WDR70: variants seen among roughly 807,000 people sequenced by gnomAD.
WDR70 encodes WD repeat-containing protein 70.
In WDR70, 53 loss-of-function variants were observed where a neutral mutation model predicts 88.6. The ratio of observed to expected loss-of-function variants is 0.60; its 90% CI spans 0.48 to 0.75. The LOEUF is 0.75. Ranked by LOEUF, WDR70 falls within the 30% of genes least tolerant of loss-of-function variation. The probability of loss-of-function intolerance (pLI) is 0.00; values close to 1 mark genes in which losing one functional copy is unlikely to be tolerated. For synonymous variants in WDR70, 280 were observed against 270.0 expected (o/e 1.04, Z -0.36); for missense variants, 610 against 823.2 (o/e 0.74, Z 3.17).
chr5:37,562,733 C>T (rs1219635601), intron 9 of WDR70, among the ~76,000 whole-genome samples: 1 of 141,354 alleles, frequency 7.1e-6, no homozygotes, highest in Non-Finnish European at 1.6e-5. Context: ...GAGTGGACAC[C>T]GCACATGTTT....
At chr5:37,430,915 G>A (rs986221333) in intron 5 of WDR70, among the ~76,000 whole-genome samples, 17 of 151,896 alleles carry the variant, frequency 1.1e-4, no homozygotes, top group Admixed American at 7.9e-4. Context: ...GTGCAGTGGC[G>A]CAATCTTGGC....
intron 10 of WDR70, among the ~76,000 whole-genome samples, chr5:37,635,209 A>T (rs967257743): frequency 1.3e-5 from 2 of 152,110 alleles, no homozygotes; most frequent in Non-Finnish European, 2.9e-5. Flanking sequence ...TTCCTTCTGG[A>T]TGCATATCCT....
At chr5:37,624,879 C>G (rs73063791) in intron 10 of WDR70, among the ~76,000 whole-genome samples, 1 of 152,152 alleles carries the variant, frequency 6.6e-6, no homozygotes, top group Non-Finnish European at 1.5e-5. Flanking sequence ...TGGGACAAGA[C>G]CCTCTCTAGA....
intron 13 of WDR70, among the ~76,000 whole-genome samples, chr5:37,714,383 G>C (rs888203978): frequency 6.6e-6 from 1 of 152,162 alleles, no homozygotes; most frequent in Non-Finnish European, 1.5e-5. Context: ...AGAAAAACCA[G>C]GTGGAGTTGG....
chr5:37,487,976 G>A (rs1739943386), intron 8 of WDR70, among the ~76,000 whole-genome samples: 1 of 151,696 alleles, frequency 6.6e-6, no homozygotes, highest in Non-Finnish European at 1.5e-5. Context: ...AACATTTCTT[G>A]TAGGCCTGGC....
rs530580231 is a variant in WDR70 at position 37,610,215 on chromosome 5, G to A, written c.1092+4977G>A. Among the ~76,000 whole-genome samples, 4 of 148,502 alleles carry A rather than the reference G, an allele frequency of 2.7e-5. No individual in the cohort carries two copies. The East Asian group carries it at 7.9e-4, about 29-fold the overall frequency. On this transcript the variant is annotated intron_variant, in intron 10 of 17. Coordinates refer to ENST00000265107, the MANE Select transcript of WDR70 (RefSeq NM_018034.4). ...TGGGAGGCGGAGGTTGCAGTGAGCC[G>A]AGATTGTGCCACTGCGCTCCAGCCT... is the stretch of plus-strand genomic sequence containing the variant.
chr5:37,512,533 A>G (rs1033709793), intron 8 of WDR70, among the ~76,000 whole-genome samples: 2 of 151,308 alleles, frequency 1.3e-5, no homozygotes, highest in Non-Finnish European at 2.9e-5. Flanking sequence ...TCTATCTCTT[A>G]TAAGGACATT....
intron 10 of WDR70, among the ~76,000 whole-genome samples, chr5:37,666,278 TA>T: frequency 6.6e-6 from 1 of 152,332 alleles, no homozygotes; most frequent in South Asian, 2.1e-4. Flanking sequence ...CAACTCCTGT[TA>T]CCCCAGACTT....
intron 10 of WDR70, among the ~76,000 whole-genome samples, chr5:37,688,416 C>G (rs1746677638): frequency 6.6e-6 from 1 of 152,112 alleles, no homozygotes; most frequent in Non-Finnish European, 1.5e-5. Context: ...ATTTGGATAT[C>G]TATACGTATT....
chr5:37,619,226 A>T (rs925616603), intron 10 of WDR70, among the ~76,000 whole-genome samples: 3 of 151,502 alleles, frequency 2.0e-5, no homozygotes, highest in Non-Finnish European at 4.4e-5. Context: ...AGTTAATTTT[A>T]TTATTATCTG....
In WDR70 at chr5:37,392,088, T is replaced by C. The variant is rs763557730; in HGVS notation, c.264T>C (p.Asn88=). The C allele has an allele frequency of 3.7e-6, 6 of 1,612,592 alleles. No homozygotes were observed. Among genetic ancestry groups the C allele is most frequent in the Non-Finnish European group, 4.2e-6 (5 of 1,179,758 alleles). ...TTGAGCCAACATCCTCAAGATCAAATGTGGTCAGAGATTGCTCCAAATCAT... is the reference window on the plus strand; with the variant it reads ...TTGAGCCAACATCCTCAAGATCAAACGTGGTCAGAGATTGCTCCAAATCAT... ...EDIEPTSSRS[N]VVRDCSKSSS... The change falls in exon 4 of 18, where the codon AAT becomes AAC. Residue 88 remains asparagine, a synonymous_variant. Coordinates refer to ENST00000265107, the MANE Select transcript of WDR70 (RefSeq NM_018034.4).
intron 17 of WDR70, among the ~76,000 whole-genome samples, chr5:37,742,407 C>T (rs1002855804): frequency 2.6e-5 from 4 of 151,508 alleles, no homozygotes; most frequent in Admixed American, 1.3e-4. Context: ...TGGAGAAGTG[C>T]CTATTCAAGT....
chr5:37,713,254 A>G (rs185996381), intron 13 of WDR70, among the ~76,000 whole-genome samples: 1 of 152,276 alleles, frequency 6.6e-6, no homozygotes, highest in Admixed American at 6.5e-5. Flanking sequence ...ATGAGGATCA[A>G]AAGGAGGGCT....
At chr5:37,659,252 G>T (rs1435642848) in intron 10 of WDR70, among the ~76,000 whole-genome samples, 1 of 152,168 alleles carries the variant, frequency 6.6e-6, no homozygotes, top group East Asian at 1.9e-4. Flanking sequence ...GCAACATACT[G>T]CAATGAAGTA....
At chr5:37,697,787 T>A in intron 11 of WDR70, 33 bp downstream of exon 11, 1 of 1,539,950 alleles carries the variant, frequency 6.5e-7, no homozygotes, top group East Asian at 2.2e-5. Context: ...GATGTATTTC[T>A]CTATATAAAA....
rs567187413 is a variant in WDR70, at chr5:37,562,654, C to G, written c.918-42410C>G. On this transcript the variant is annotated intron_variant, in intron 9 of 17. Transcript: ENST00000265107. ...ATTAGGGAGTGGTGATGACTCTTAA[C>G]GAGCATGCTGCCTTCAAGCATCTGT... Among the ~76,000 whole-genome samples the G allele has an allele frequency of 3.6e-3, 542 of 152,210 alleles. 5 individuals carry two copies. The highest frequency in any genetic ancestry group is 0.012 in the African/African-American group (498 of 41,530).
chr5:37,413,653 C>T (rs1009144673), intron 5 of WDR70, among the ~76,000 whole-genome samples: 2 of 145,056 alleles, frequency 1.4e-5, no homozygotes, highest in South Asian at 2.2e-4. Flanking sequence ...ACCAGGGAGG[C>T]GGAGGTTGCA....
chr5:37,563,328 G>A (rs1742592710), intron 9 of WDR70, among the ~76,000 whole-genome samples: 1 of 58,190 alleles, frequency 1.7e-5, no homozygotes. Context: ...CCTCCTGGAC[G>A]GGGCGGCTGG....
At chr5:37,622,818 C>T (rs868807598) in intron 10 of WDR70, among the ~76,000 whole-genome samples, 2 of 152,060 alleles carry the variant, frequency 1.3e-5, no homozygotes, top group African/African-American at 4.8e-5. Context: ...GTGCAGCACA[C>T]CAACATGGCA....
Sources: gnomAD v4.1 joint callset for allele counts (sites outside exome capture counted in the v4.1 genomes callset) on GRCh38, gnomAD v4.1.1 for gene constraint, MANE v1.5 for transcripts, NCBI Gene and HGNC (gene_info 2026-07-23, HGNC 2026-07-21) for gene names.